Variants in IL27RA observed in about 807,000 individuals in gnomAD.
IL27RA encodes the protein interleukin-27 receptor subunit alpha.
A neutral mutation model predicts 80.8 loss-of-function variants in IL27RA; 61 were observed. The ratio of observed to expected loss-of-function variants is 0.76; its 90% CI spans 0.61 to 0.93. The LOEUF (loss-of-function observed/expected upper bound fraction) is 0.93. Among genes scored for constraint, IL27RA ranks in the 40% least tolerant of loss-of-function variants. The pLI is 0.00. For synonymous variants in IL27RA, 316 were observed against 332.5 expected (o/e 0.95, Z 0.54); for missense variants, 735 against 808.1 (o/e 0.91, Z 1.10).
chr19:14,036,856 G>C (rs111390342), intron 2 of IL27RA, among the ~76,000 whole-genome samples: 1 of 145,978 alleles, frequency 6.9e-6, no homozygotes, highest in Non-Finnish European at 1.5e-5. Flanking sequence ...TTTTTTTTGA[G>C]ACAAAGTCTC....
At chr19:14,048,307 A>T (rs1976102143) in intron 8 of IL27RA, among the ~76,000 whole-genome samples, 1 of 152,034 alleles carries the variant, frequency 6.6e-6, no homozygotes, top group African/African-American at 2.4e-5. Flanking sequence ...TTAATTAATG[A>T]ACTTGGAAGA....
intron 2 of IL27RA, 142 bp from the exon 3 acceptor site, chr19:14,039,366 A>G: frequency 1.2e-6 from 1 of 827,030 alleles, no homozygotes; most frequent in Non-Finnish European, 1.8e-6. Context: ...CACTTACTCA[A>G]GGTCACACAG....
rs1286619973 is a variant in IL27RA at position 14,039,494 on chromosome 19, C to T, written c.219-14C>T. 6.2e-7 allele frequency: 1 copy of T among 1,605,750 alleles called. No individual in the cohort carries two copies. Among genetic ancestry groups the T allele is most frequent in the South Asian group, 1.1e-5 (1 of 90,094 alleles). On this transcript the variant is annotated splice_polypyrimidine_tract_variant and intron_variant, in intron 2 of 13. Coordinates refer to ENST00000263379, the MANE Select transcript of IL27RA (RefSeq NM_004843.4). ...AGCCGAGTGTGCATCTCATCCCCGC[C>T]TCTCTCCTCACAGCCGTTCCAACAA... is the stretch of plus-strand genomic sequence containing the variant.
Position 14,039,532 on chromosome 19 carries a change from G to A in IL27RA, c.243G>A (p.Val81=). ...QKYRSNKTQT[V]AVAAGRSWVA... ...GCCGTTCCAACAAAACCCAGACTGT[G>A]GCAGTGGCAGCCGGACGGAGCTGGG... The change falls in exon 3 of 14, where the codon GTG becomes GTA. Residue 81 remains valine, a synonymous_variant. Coordinates refer to ENST00000263379, the MANE Select transcript of IL27RA (RefSeq NM_004843.4). The A allele has an allele frequency of 9.3e-6, 15 of 1,613,886 alleles. No homozygotes were observed. The highest frequency in any genetic ancestry group is 1.2e-5 in the Non-Finnish European group (14 of 1,179,868).
At position 14,032,315 on chromosome 19, in the gene IL27RA, A is replaced by C; in HGVS notation, c.101-71A>C. The C allele has an allele frequency of 2.5e-6, 3 of 1,187,206 alleles. No homozygotes were observed. The East Asian group carries it at 7.1e-5, about 28-fold the overall frequency. The allele number at this position is 1,187,206 out of a possible 1,614,324, so 73.5% of individuals were successfully genotyped here. A position where few individuals can be genotyped will look rare whatever the true frequency, so the allele number is the denominator to read the frequency against. On this transcript the variant is annotated intron_variant, in intron 1 of 13. Transcript: ENST00000263379. ...CCACCTTGCAATTGTCAGAAGTCCA[A>C]GTTCTGGGGTGTGCAGGCGGAAGGG...
chr19:14,049,423 A>C, intron 10 of IL27RA, 109 bp downstream of exon 10: 3 of 1,103,936 alleles, frequency 2.7e-6, no homozygotes, highest in Non-Finnish European at 3.8e-6. Context: ...GGGACCATAC[A>C]TGGTGTCCTC....
intron 6 of IL27RA, among the ~76,000 whole-genome samples, chr19:14,044,233 T>C (rs1976031498): frequency 6.6e-6 from 1 of 151,810 alleles, no homozygotes; most frequent in African/African-American, 2.4e-5. Flanking sequence ...CACAATCCAG[T>C]ATCTTTTATT....
rs1975820615 is a variant in IL27RA, at chr19:14,031,895, CT to C, written c.26del (p.Phe9SerfsTer42). The stretch of plus-strand genomic sequence containing the variant: ...GCCATGCGGGGAGGCAGGGGCGCCC[CT>C]TTCTGGCTGTGGCCGCTGCCCAAGC... MRGGRGA[P>X]FWLWPLPKLA... On this transcript the variant is annotated frameshift_variant, in exon 1 of 14. Transcript: ENST00000263379. LOFTEE classifies it high-confidence loss of function. 3 of 1,604,630 alleles carry C rather than the reference CT, an allele frequency of 1.9e-6. No individual in the cohort carries two copies. In the African/African-American group the frequency reaches 4.0e-5, roughly 21 times the overall value.
intron 2 of IL27RA, 27 bp downstream of exon 2, chr19:14,032,530 A>G (rs1265544636): frequency 1.3e-6 from 2 of 1,530,054 alleles, no homozygotes; most frequent in African/African-American, 2.7e-5. Flanking sequence ...GACGTGGGGA[A>G]ACAGGCTTTG....
At chr19:14,038,870 A>G (rs11880893) in intron 2 of IL27RA, among the ~76,000 whole-genome samples, 51,367 of 149,880 alleles carry the variant, frequency 0.34, 11,794 homozygotes, top group African/African-American at 0.66. Context: ...GGCAACAAGA[A>G]CAAAAATCTG....
intron 4 of IL27RA, among the ~76,000 whole-genome samples, 194 bp from the exon 5 acceptor site, chr19:14,042,259 A>T (rs1193406299): frequency 6.7e-6 from 1 of 148,590 alleles, no homozygotes; most frequent in Non-Finnish European, 1.5e-5. Context: ...CCAGCTACTC[A>T]GGAGGCTGAG....
intron 2 of IL27RA, among the ~76,000 whole-genome samples, chr19:14,038,964 A>G (rs1207992795): frequency 6.6e-6 from 1 of 151,524 alleles, no homozygotes; most frequent in African/African-American, 2.4e-5. Context: ...GAGGAAGGGA[A>G]GGAAAGAAAG....
At chr19:14,038,082 G>A (rs868762702) in intron 2 of IL27RA, among the ~76,000 whole-genome samples, 27 of 151,912 alleles carry the variant, frequency 1.8e-4, no homozygotes, top group Admixed American at 3.9e-4. Context: ...CACCTGCCTC[G>A]GGCTCCCAAA....
intron 6 of IL27RA, among the ~76,000 whole-genome samples, chr19:14,043,817 G>T (rs892377420): frequency 2.2e-4 from 34 of 151,622 alleles, no homozygotes; most frequent in African/African-American, 6.5e-4. Context: ...AGAGGCTCAG[G>T]TGGGCAGATC....
chr19:14,042,197 C>CAA lies in IL27RA; in HGVS notation c.535-238_535-237dup, dbSNP rs144463133. 3.1e-3 allele frequency among the ~76,000 whole-genome samples: 267 copies of CAA among 86,328 alleles called. 3 individuals are homozygous for CAA. Among genetic ancestry groups the CAA allele is most frequent in the African/African-American group, 0.01 (236 of 23,012 alleles). The allele number at this position is 86,328 out of a possible 152,430, so 56.6% of individuals were successfully genotyped here. ...CTGGCGACAGAGCAAGACTCTGCCT[C>CAA]AAAAAAAAAAAAAAAAAAATTAACC... On this transcript the variant is annotated intron_variant, in intron 4 of 13. Transcript: ENST00000263379.
chr19:14,031,932 G>C lies in IL27RA; in HGVS notation c.60G>C (p.Leu20=). 3 of 1,610,712 alleles carry C rather than the reference G, an allele frequency of 1.9e-6. No homozygotes were observed. Among genetic ancestry groups the C allele is most frequent in the Non-Finnish European group, 2.5e-6 (3 of 1,178,728 alleles). Reference sequence around the variant, plus strand: ...GGCCGCTGCCCAAGCTGGCGCTGCTGCCTCTGTTGTGGGTGCTTTTCCAGC... The same window carrying C: ...GGCCGCTGCCCAAGCTGGCGCTGCTCCCTCTGTTGTGGGTGCTTTTCCAGC... ...WLWPLPKLAL[L]PLLWVLFQRT... The change falls in exon 1 of 14, where the codon CTG becomes CTC. Residue 20 remains leucine (L), a synonymous_variant. Transcript: ENST00000263379.
rs755221126 is a variant in IL27RA at position 14,042,446 on chromosome 19, C to G, written c.535-7C>G. 6.2e-7 allele frequency: 1 copy of G among 1,613,046 alleles called. No homozygotes were observed. The highest frequency in any genetic ancestry group is 1.1e-5 in the South Asian group (1 of 91,056). On this transcript the variant is annotated splice_polypyrimidine_tract_variant and splice_region_variant and intron_variant, in intron 4 of 13. Transcript: ENST00000263379. ...GGGCCCATCACGCTCGCCTGTCTCT[C>G]CCCCAGCTGGAACCGGAGCTGAAGA...
At chr19:14,047,664 T>C (rs1976089312) in intron 8 of IL27RA, among the ~76,000 whole-genome samples, 1 of 147,476 alleles carries the variant, frequency 6.8e-6, no homozygotes, top group Non-Finnish European at 1.5e-5. Flanking sequence ...GCCCTTTTTT[T>C]TTTTTTTTTT....
At chr19:14,035,292 T>A (rs867362497) in intron 2 of IL27RA, among the ~76,000 whole-genome samples, 2 of 152,236 alleles carry the variant, frequency 1.3e-5, no homozygotes, top group Middle Eastern at 3.4e-3. Context: ...TCACTGTGCC[T>A]GGCCAAAATC....
Sources: allele counts gnomAD v4.1 joint callset (sites outside exome capture counted in the v4.1 genomes callset), GRCh38; gene constraint gnomAD v4.1.1; transcripts MANE v1.5; gene names NCBI Gene and HGNC (gene_info 2026-07-23, HGNC 2026-07-21).